The following AFG1L variants were observed in gnomAD, a reference collection of about 807,000 sequenced individuals.
The protein encoded by AFG1L is AFG1-like ATPase.
Under a neutral mutation model 62.2 loss-of-function variants are expected in AFG1L, and 53 were observed. The observed-to-expected ratio is 0.85, with a 90% confidence interval of 0.68 to 1.07. The LOEUF (loss-of-function observed/expected upper bound fraction) is 1.07, where lower values mean the gene tolerates loss of function less well. Among genes scored for constraint, AFG1L ranks in the 50% least tolerant of loss-of-function variants. The pLI is 0.00. For missense variants in AFG1L, 555 were observed against 590.5 expected (o/e 0.94, Z 0.62); for synonymous variants, 228 against 210.3 (o/e 1.08, Z -0.73).
intron 10 of AFG1L, among the ~76,000 whole-genome samples, chr6:108,483,387 G>A (rs945887862): frequency 1.3e-5 from 2 of 152,072 alleles, no homozygotes; most frequent in African/African-American, 4.8e-5. Context: ...CATTCCTTGG[G>A]TTCCTCAATA....
At chr6:108,336,060 A>G (rs1481850118) in intron 2 of AFG1L, among the ~76,000 whole-genome samples, 1 of 152,166 alleles carries the variant, frequency 6.6e-6, no homozygotes, top group African/African-American at 2.4e-5. Flanking sequence ...TTCAAAAACC[A>G]TTTTCATTTA....
At chr6:108,324,218 T>G (rs574396711) in intron 2 of AFG1L, among the ~76,000 whole-genome samples, 170 bp downstream of exon 2, 1 of 152,370 alleles carries the variant, frequency 6.6e-6, no homozygotes, top group South Asian at 2.1e-4. Flanking sequence ...TCCATAGCTT[T>G]CTTTTGCCTT....
chr6:108,369,085 T>C (rs1238327604), intron 6 of AFG1L, among the ~76,000 whole-genome samples: 1 of 152,166 alleles, frequency 6.6e-6, no homozygotes, highest in East Asian at 1.9e-4. Flanking sequence ...TTTAAAGTAA[T>C]GAAGATGACA....
chr6:108,424,630 A>G (rs746600911), intron 7 of AFG1L, among the ~76,000 whole-genome samples: 3 of 152,068 alleles, frequency 2.0e-5, no homozygotes, highest in Non-Finnish European at 4.4e-5. Flanking sequence ...TTAGAGATAT[A>G]TTGTAATATA....
intron 10 of AFG1L, among the ~76,000 whole-genome samples, chr6:108,496,639 T>A: frequency 6.6e-6 from 1 of 152,304 alleles, no homozygotes. Flanking sequence ...TTAATAAAAA[T>A]CTTTAATGTT....
At position 108,427,682 on chromosome 6, in the gene AFG1L, C is replaced by T. The variant is rs143541709; in HGVS notation, c.808-19532C>T. Among the ~76,000 whole-genome samples, 978 of 151,988 alleles carry T rather than the reference C, an allele frequency of 6.4e-3. 12 individuals are homozygous for T. Among genetic ancestry groups the T allele is most frequent in the African/African-American group, 0.022 (929 of 41,468 alleles). ...GACTACAGGTGAACGCCACCATACC[C>T]GGTTAATTTTTGTATTTTTAGTAGA... On this transcript the variant is annotated intron_variant, in intron 7 of 12. Transcript: ENST00000368977.
At chr6:108,453,180 C>T (rs1772122901) in intron 8 of AFG1L, among the ~76,000 whole-genome samples, 1 of 152,202 alleles carries the variant, frequency 6.6e-6, no homozygotes, top group Non-Finnish European at 1.5e-5. Context: ...TTGCTTAAAA[C>T]TTAAATTGTC....
At chr6:108,488,443 C>G (rs1355833497) in intron 10 of AFG1L, among the ~76,000 whole-genome samples, 1 of 152,032 alleles carries the variant, frequency 6.6e-6, no homozygotes, top group African/African-American at 2.4e-5. Context: ...TCTGTTGGTG[C>G]AAAGGTTGGG....
chr6:108,393,100 A>T (rs534482367), intron 6 of AFG1L, among the ~76,000 whole-genome samples: 1 of 152,212 alleles, frequency 6.6e-6, no homozygotes, highest in East Asian at 1.9e-4. Context: ...GTTTTATATG[A>T]CCAAGTGCTC....
In AFG1L at chr6:108,519,925, G is replaced by A. The variant is rs142891725; in HGVS notation, c.1317+115G>A. On this transcript the variant is annotated intron_variant, in intron 12 of 12. Coordinates refer to ENST00000368977, the MANE Select transcript of AFG1L (RefSeq NM_145315.5). Reference sequence around the variant, plus strand: ...AGTGTATAGTTAACCATTGATTGGCGCTTCTTCTATAAGCCCATGTAGCAA... The same window carrying A: ...AGTGTATAGTTAACCATTGATTGGCACTTCTTCTATAAGCCCATGTAGCAA... 1.1e-4 allele frequency: 62 copies of A among 569,098 alleles called. No individual in the cohort carries two copies. In the Middle Eastern group the frequency reaches 1.4e-3, roughly 13 times the overall value. 35.3% of individuals were successfully genotyped at this position (569,098 alleles called of 1,614,324 possible). A position where few individuals can be genotyped will look rare whatever the true frequency, so the allele number is the denominator to read the frequency against.
chr6:108,522,289 A>G lies in AFG1L; in HGVS notation c.1318-8A>G, dbSNP rs771174397. 5 of 1,610,476 alleles carry G rather than the reference A, an allele frequency of 3.1e-6. No individual in the cohort carries two copies. The South Asian group carries it at 5.5e-5, about 18-fold the overall frequency. On this transcript the variant is annotated splice_region_variant and splice_polypyrimidine_tract_variant and intron_variant, in intron 12 of 12. Coordinates refer to ENST00000368977, the MANE Select transcript of AFG1L (RefSeq NM_145315.5). Reference sequence around the variant, plus strand: ...AGCTTTATTTTAATTTCTTTGTTTTATAACCAGGATTCAGCAGAAGGACTC... The same window carrying G: ...AGCTTTATTTTAATTTCTTTGTTTTGTAACCAGGATTCAGCAGAAGGACTC...
At chr6:108,345,774 G>A (rs551438192) in intron 2 of AFG1L, among the ~76,000 whole-genome samples, 5 of 152,012 alleles carry the variant, frequency 3.3e-5, no homozygotes, top group African/African-American at 7.3e-5. Flanking sequence ...TTGACCATTG[G>A]TACTAACAAG....
chr6:108,478,300 T>G (rs913367216), intron 10 of AFG1L, among the ~76,000 whole-genome samples: 6 of 151,932 alleles, frequency 3.9e-5, no homozygotes, highest in Admixed American at 3.3e-4. Context: ...AGCCGGGCGT[T>G]GTGGCGGGCG....
intron 2 of AFG1L, among the ~76,000 whole-genome samples, chr6:108,339,954 T>C (rs1430847974): frequency 6.6e-6 from 1 of 152,180 alleles, no homozygotes; most frequent in East Asian, 1.9e-4. Context: ...TTATTGACTA[T>C]AGTCATTCTG....
intron 7 of AFG1L, among the ~76,000 whole-genome samples, chr6:108,446,336 C>T (rs1398574012): frequency 6.6e-6 from 1 of 151,974 alleles, no homozygotes; most frequent in Non-Finnish European, 1.5e-5. Context: ...GGAAAGCGCA[C>T]TGAAATGTTG....
chr6:108,359,617 G>A (rs1779443414), intron 5 of AFG1L: 1 of 152,304 alleles, frequency 6.6e-6, no homozygotes, highest in East Asian at 1.9e-4. Context: ...TGCCTGGACA[G>A]CTGATCTATA....
intron 2 of AFG1L, among the ~76,000 whole-genome samples, chr6:108,339,679 C>T (rs1778608528): frequency 1.3e-5 from 2 of 151,932 alleles, no homozygotes; most frequent in Non-Finnish European, 1.5e-5. Flanking sequence ...AGGCTGGTTT[C>T]GAACTCCTGA....
intron 3 of AFG1L, among the ~76,000 whole-genome samples, chr6:108,349,665 C>G (rs1241896010): frequency 6.6e-6 from 1 of 152,132 alleles, no homozygotes; most frequent in African/African-American, 2.4e-5. Flanking sequence ...CCTGTAATCT[C>G]AGCACTTTGG....
intron 10 of AFG1L, among the ~76,000 whole-genome samples, chr6:108,499,110 C>T (rs1055441239): frequency 3.3e-5 from 5 of 150,810 alleles, no homozygotes; most frequent in African/African-American, 1.2e-4. Flanking sequence ...GCTCTGTCGC[C>T]CAGGCTGGAG....
Sources: allele counts gnomAD v4.1 joint callset (sites outside exome capture counted in the v4.1 genomes callset), GRCh38; gene constraint gnomAD v4.1.1; transcripts MANE v1.5; gene names NCBI Gene and HGNC (gene_info 2026-07-23, HGNC 2026-07-21).